NEGR1: variants seen among roughly 807,000 people sequenced by gnomAD.
The protein encoded by NEGR1 is neuronal growth regulator 1.
In NEGR1, 10 loss-of-function variants were observed where a neutral mutation model predicts 40.9. That is an observed-to-expected ratio of 0.24 (90% confidence interval 0.15 to 0.42). NEGR1 has a LOEUF of 0.42. Ranked by LOEUF, NEGR1 falls within the 10% of genes least tolerant of loss-of-function variation. NEGR1 has a pLI of 1.00. For missense variants in NEGR1, 352 were observed against 438.9 expected (o/e 0.80, Z 1.77); for synonymous variants, 185 against 166.8 (o/e 1.11, Z -0.84).
At chr1:71,819,683 T>C (rs2101774375) in intron 2 of NEGR1, among the ~76,000 whole-genome samples, 1 of 152,102 alleles carries the variant, frequency 6.6e-6, no homozygotes, top group East Asian at 1.9e-4. Context: ...GATGCTATCA[T>C]ATGCATATCT....
chr1:72,201,775 T>C (rs778331101), intron 1 of NEGR1, among the ~76,000 whole-genome samples: 1 of 151,958 alleles, frequency 6.6e-6, no homozygotes, highest in Non-Finnish European at 1.5e-5. Flanking sequence ...TTTATCTTAA[T>C]GAAACATGTA....
chr1:72,142,525 T>TGATTGATA (rs1553144808), intron 1 of NEGR1, among the ~76,000 whole-genome samples: 2 of 146,490 alleles, frequency 1.4e-5, no homozygotes, highest in African/African-American at 5.0e-5. Flanking sequence ...CCTAGATAGA[T>TGATTGATA]GATAGATAGA....
In NEGR1 at chr1:72,239,131, T is replaced by C. The variant is rs577482712; in HGVS notation, c.176+43188A>G. 3.3e-5 allele frequency among the ~76,000 whole-genome samples: 5 copies of C among 151,814 alleles called. No homozygotes were observed. In the South Asian group the frequency reaches 8.3e-4, roughly 25 times the overall value. On this transcript the variant is annotated intron_variant, in intron 1 of 6. Coordinates refer to ENST00000357731, the MANE Select transcript of NEGR1 (RefSeq NM_173808.3). ...TCCCATTTTTCAAATAAGAAAAAAATAAAAACAATAAATTCAAAGATGCCA... is the reference window on the plus strand; with the variant it reads ...TCCCATTTTTCAAATAAGAAAAAAACAAAAACAATAAATTCAAAGATGCCA...
chr1:71,463,864 T>A (rs1021069993), intron 6 of NEGR1, among the ~76,000 whole-genome samples: 2 of 152,082 alleles, frequency 1.3e-5, no homozygotes, highest in Non-Finnish European at 2.9e-5. Context: ...TTCTAGGAAT[T>A]TACAATCTAA....
intron 1 of NEGR1, among the ~76,000 whole-genome samples, chr1:71,950,266 C>A (rs6703903): frequency 0.37 from 55,979 of 151,718 alleles, 10,829 homozygotes; most frequent in East Asian, 0.55. Context: ...CATTTACCTG[C>A]ATTTTGTGGA....
Position 72,028,761 on chromosome 1 carries a change from C to A in NEGR1, c.177-93450G>T, listed in dbSNP as rs114803347. 2.6e-3 allele frequency among the ~76,000 whole-genome samples: 401 copies of A among 152,290 alleles called. 1 individual carries two copies. Among genetic ancestry groups the A allele is most frequent in the Non-Finnish European group, 3.2e-3 (220 of 68,028 alleles). On this transcript the variant is annotated intron_variant, in intron 1 of 6. Transcript: ENST00000357731. ...GACCTTCTTCAAATAAACTTTACCA[C>A]TTTGTTTCATATTCCCACCATATCC...
chr1:72,009,728 T>C (rs1017214123), intron 1 of NEGR1, among the ~76,000 whole-genome samples: 12 of 152,146 alleles, frequency 7.9e-5, no homozygotes, highest in Admixed American at 7.2e-4. Context: ...CTGGGTATTA[T>C]ACACTGATCT....
intron 1 of NEGR1, among the ~76,000 whole-genome samples, chr1:72,058,932 C>T (rs930614002): frequency 4.0e-5 from 6 of 151,560 alleles, no homozygotes; most frequent in African/African-American, 1.5e-4. Flanking sequence ...CATCTCATTT[C>T]CTCTTTATTT....
At chr1:71,695,572 C>G (rs1423878921) in intron 4 of NEGR1, among the ~76,000 whole-genome samples, 1 of 151,770 alleles carries the variant, frequency 6.6e-6, no homozygotes, top group Non-Finnish European at 1.5e-5. Context: ...AAGTCTTATT[C>G]TCTACCTATT....
intron 2 of NEGR1, among the ~76,000 whole-genome samples, chr1:71,894,206 A>T (rs1180489780): frequency 9.4e-5 from 14 of 148,354 alleles, no homozygotes; most frequent in African/African-American, 3.5e-4. Flanking sequence ...CATGTACCCT[A>T]AAACTTAAAG....
rs192238687 is a variant in NEGR1, at chr1:72,236,602, T to G, written c.176+45717A>C. 2.6e-5 allele frequency among the ~76,000 whole-genome samples: 4 copies of G among 152,114 alleles called. No homozygotes were observed. In the East Asian group the frequency reaches 7.7e-4, roughly 29 times the overall value. Reference sequence around the variant, plus strand: ...ATTATTATTTTTATCATTTCAGTATTGCCTACTAGTTGTGGGCTATTTCTT... The same window carrying G: ...ATTATTATTTTTATCATTTCAGTATGGCCTACTAGTTGTGGGCTATTTCTT... On this transcript the variant is annotated intron_variant, in intron 1 of 6. Coordinates refer to ENST00000357731, the MANE Select transcript of NEGR1 (RefSeq NM_173808.3).
At chr1:72,156,988 A>G (rs911909358) in intron 1 of NEGR1, among the ~76,000 whole-genome samples, 20 of 151,738 alleles carry the variant, frequency 1.3e-4, no homozygotes, top group African/African-American at 4.8e-4. Context: ...TTTTTGAGAC[A>G]GTGTCTCTCC....
chr1:72,204,864 C>T (rs1055363197), intron 1 of NEGR1, among the ~76,000 whole-genome samples: 1 of 152,098 alleles, frequency 6.6e-6, no homozygotes, highest in African/African-American at 2.4e-5. Flanking sequence ...GTAAGCAACA[C>T]TGAAATTATT....
chr1:71,627,462 T>C (rs1650824605), intron 4 of NEGR1, among the ~76,000 whole-genome samples: 1 of 152,008 alleles, frequency 6.6e-6, no homozygotes, highest in African/African-American at 2.4e-5. Flanking sequence ...CAGAAAGAAA[T>C]CACAGATCAC....
intron 1 of NEGR1, among the ~76,000 whole-genome samples, chr1:72,107,923 A>G (rs1649200944): frequency 6.7e-6 from 1 of 149,628 alleles, no homozygotes; most frequent in South Asian, 2.1e-4. Flanking sequence ...AAAAAAAAAC[A>G]TTTGGCTAAG....
intron 6 of NEGR1, among the ~76,000 whole-genome samples, chr1:71,500,412 T>A (rs1239289438): frequency 6.6e-6 from 1 of 152,070 alleles, no homozygotes; most frequent in Non-Finnish European, 1.5e-5. Flanking sequence ...TAATAAGATT[T>A]AAAAAGTGAA....
At chr1:71,819,980 G>T (rs1335309374) in intron 2 of NEGR1, among the ~76,000 whole-genome samples, 1 of 152,024 alleles carries the variant, frequency 6.6e-6, no homozygotes, top group Non-Finnish European at 1.5e-5. Context: ...AGGGGGACAG[G>T]CTGTTACAGA....
At chr1:71,936,943 A>C (rs915356483) in intron 1 of NEGR1, among the ~76,000 whole-genome samples, 9 of 152,224 alleles carry the variant, frequency 5.9e-5, no homozygotes, top group Non-Finnish European at 2.9e-5. Flanking sequence ...TTCTTAAATG[A>C]GTACAAAGCA....
At chr1:71,689,082 C>G (rs905004688) in intron 4 of NEGR1, among the ~76,000 whole-genome samples, 23 of 152,126 alleles carry the variant, frequency 1.5e-4, no homozygotes, top group African/African-American at 5.3e-4. Context: ...AAATTTACGT[C>G]TTTATTACTG....
Sources: allele counts gnomAD v4.1 joint callset (sites outside exome capture counted in the v4.1 genomes callset), GRCh38; gene constraint gnomAD v4.1.1; transcripts MANE v1.5; gene names NCBI Gene and HGNC (gene_info 2026-07-23, HGNC 2026-07-21).